KCNG4: variants seen among roughly 807,000 people sequenced by gnomAD.
KCNG4 encodes the protein potassium voltage-gated channel modifier subfamily G member 4.
KCNG4 carries 30 observed loss-of-function variants against 28.2 expected under a neutral mutation model. The observed-to-expected ratio is 1.06, with a 90% CI of 0.80 to 1.44. The LOEUF (loss-of-function observed/expected upper bound fraction) is 1.44. KCNG4 is among the 40% of genes most tolerant of loss of function. The pLI is 0.00. For missense variants in KCNG4, 879 were observed against 712.3 expected, an observed-to-expected ratio of 1.23 and a Z score of -2.66; for synonymous variants, 375 against 315.5, an observed-to-expected ratio of 1.19 and a Z score of -2.00.
chr16:84,232,877 G>T (rs244808), intron 2 of KCNG4, among the ~76,000 whole-genome samples: 82,610 of 143,674 alleles, frequency 0.57, 24,161 homozygotes, highest in African/African-American at 0.67. Context: ...CCAGCCTGGG[G>T]GACAGAGTGA....
chr16:84,237,134 T>TGG lies in KCNG4; in HGVS notation c.350_351dup (p.Ser118ProfsTer6), dbSNP rs1246096866. 6.2e-6 allele frequency: 10 copies of TGG among 1,614,112 alleles called. No individual in the cohort carries two copies. In the African/African-American group the frequency reaches 9.3e-5, roughly 15 times the overall value. The stretch of plus-strand genomic sequence containing the variant: ...AAGCTCACGATCACCCCGAAGGCGC[T>TGG]GGGGCTCCTGTCGAAGAAGAACTCC... On this transcript the variant is annotated frameshift_variant, in exon 2 of 3. Coordinates refer to ENST00000308251, the MANE Select transcript of KCNG4 (RefSeq NM_172347.3). LOFTEE classifies it high-confidence loss of function.
chr16:84,229,262 C>A (rs2151337873), intron 2 of KCNG4, among the ~76,000 whole-genome samples: 1 of 150,660 alleles, frequency 6.6e-6, no homozygotes, highest in South Asian at 2.1e-4. Flanking sequence ...CATTGCACTC[C>A]AGCCTGGGCA....
In KCNG4 at chr16:84,226,041, C is replaced by T. The variant is rs547035619; in HGVS notation, c.757-3021G>A. 6.6e-6 allele frequency among the ~76,000 whole-genome samples: 1 copy of T among 152,324 alleles called. No homozygotes were observed. The highest frequency in any genetic ancestry group is 1.5e-5 in the Non-Finnish European group (1 of 68,036). ...TTTCTCCCTTTGTGGAAGTTCTGTGCTTAAACCCAGAAAGTTCCGGGTCCT... is the reference window on the plus strand; with the variant it reads ...TTTCTCCCTTTGTGGAAGTTCTGTGTTTAAACCCAGAAAGTTCCGGGTCCT... On this transcript the variant is annotated intron_variant, in intron 2 of 2. Coordinates refer to ENST00000308251, the MANE Select transcript of KCNG4 (RefSeq NM_172347.3). The surrounding 1 kb of genome is among the most constrained non-coding windows in gnomAD (Gnocchi z 4.1).
intron 1 of KCNG4, among the ~76,000 whole-genome samples, chr16:84,238,517 C>T (rs1411158154): frequency 3.3e-5 from 5 of 152,334 alleles, no homozygotes; most frequent in Admixed American, 1.3e-4. Flanking sequence ...CCTCAGCCAT[C>T]CTTGCTGTGT....
rs867091269 is a variant in KCNG4 at position 84,237,277 on chromosome 16, T to C, written c.209A>G (p.Tyr70Cys). 6.2e-7 allele frequency: 1 copy of C among 1,610,340 alleles called. No individual in the cohort carries two copies. The highest frequency in any genetic ancestry group is 1.3e-5 in the African/African-American group (1 of 74,860). ...EILINVGGRR[Y>C]LLPWSTLDRF... Reference sequence around the variant, plus strand: ...GTCCAGTGTGCTCCAGGGGAGGAGATACCTCCTGCCCCCCACGTTGATCAG... The same window carrying C: ...GTCCAGTGTGCTCCAGGGGAGGAGACACCTCCTGCCCCCCACGTTGATCAG... Residue 70 changes from tyrosine to cysteine, a missense_variant, in exon 2 of 3, where the codon TAT becomes TGT. Transcript: ENST00000308251.
intron 2 of KCNG4, among the ~76,000 whole-genome samples, chr16:84,230,286 T>A (rs1378410587): frequency 6.6e-6 from 1 of 151,762 alleles, no homozygotes; most frequent in East Asian, 1.9e-4. Context: ...GCGCCTGTAG[T>A]TCCAGCTACT....
At chr16:84,236,601 C>T in intron 2 of KCNG4, 129 bp downstream of exon 2, 2 of 1,017,910 alleles carry the variant, frequency 2.0e-6, no homozygotes, top group Non-Finnish European at 2.8e-6. Flanking sequence ...GAATATAACC[C>T]ATGTTGGATA....
At chr16:84,232,349 T>C (rs1427351251) in intron 2 of KCNG4, among the ~76,000 whole-genome samples, 2 of 152,214 alleles carry the variant, frequency 1.3e-5, no homozygotes, top group African/African-American at 4.8e-5. Context: ...CTGGCACGAT[T>C]CTGTTTCTAT....
chr16:84,234,307 G>T (rs1904892282), intron 2 of KCNG4, among the ~76,000 whole-genome samples: 1 of 152,204 alleles, frequency 6.6e-6, no homozygotes, highest in South Asian at 2.1e-4. Flanking sequence ...CAAGTAGCTG[G>T]GATTACAGGC....
Position 84,236,796 on chromosome 16 carries a change from G to A in KCNG4, c.690C>T (p.Phe230=), listed in dbSNP as rs754285858. ...GKVFACLSIL[F]VATTAVSLCV... ...ACAGGCTGACGGCTGTGGTGGCCAC[G>A]AAGAGGATGGAGAGGCAAGCGAAGA... Residue 230 remains phenylalanine, a synonymous_variant, in exon 2 of 3, where the codon TTC becomes TTT. Transcript: ENST00000308251. 9.9e-6 allele frequency: 16 copies of A among 1,613,678 alleles called. No homozygotes were observed. Among genetic ancestry groups the A allele is most frequent in the South Asian group, 5.5e-5 (5 of 91,078 alleles).
Position 84,220,030 on chromosome 16 carries a change from T to A in KCNG4, c.*2187A>T, listed in dbSNP as rs1213090157. On this transcript the variant is annotated 3_prime_UTR_variant, in exon 3 of 3. Coordinates refer to ENST00000308251, the MANE Select transcript of KCNG4 (RefSeq NM_172347.3). ...GTGAGCTGGGATCAAGCCACTGCAC[T>A]CCAGCCTGGCGGACAGAGAGAGACT... is the stretch of plus-strand genomic sequence containing the variant. The A allele has an allele frequency of 6.6e-6, 1 of 152,090 alleles. No homozygotes were observed. Among genetic ancestry groups the A allele is most frequent in the Non-Finnish European group, 1.5e-5 (1 of 68,024 alleles). The allele number at this position is 152,090 out of a possible 1,614,324, so 9.4% of individuals were successfully genotyped here.
intron 2 of KCNG4, among the ~76,000 whole-genome samples, chr16:84,232,371 A>T (rs1904846948): frequency 6.6e-6 from 1 of 152,210 alleles, no homozygotes; most frequent in South Asian, 2.1e-4. Flanking sequence ...AAATGTCCAG[A>T]ATAGGCTAAT....
intron 2 of KCNG4, among the ~76,000 whole-genome samples, chr16:84,233,338 A>G (rs1904870244): frequency 6.6e-6 from 1 of 152,174 alleles, no homozygotes; most frequent in South Asian, 2.1e-4. Flanking sequence ...TGTTTTACAA[A>G]GTCTGGCTGC....
At chr16:84,225,411 C>T (rs1286509075) in intron 2 of KCNG4, among the ~76,000 whole-genome samples, 11 of 152,322 alleles carry the variant, frequency 7.2e-5, no homozygotes, top group Middle Eastern at 3.4e-3. Context: ...ACCCTGGCAC[C>T]AGAAGCCCCC....
chr16:84,228,621 C>G (rs1315732643), intron 2 of KCNG4, among the ~76,000 whole-genome samples: 2 of 152,106 alleles, frequency 1.3e-5, no homozygotes, highest in African/African-American at 4.8e-5. Flanking sequence ...CCCCCGCCCA[C>G]TCCTTCTAGC....
Position 84,226,326 on chromosome 16 carries a change from G to A in KCNG4, c.757-3306C>T, listed in dbSNP as rs533327660. ...CAGCCTCATCTAGGGTGCACAAAGTGATCAGAACAGTGGCTGCCTCTGGGT... is the reference window on the plus strand; with the variant it reads ...CAGCCTCATCTAGGGTGCACAAAGTAATCAGAACAGTGGCTGCCTCTGGGT... On this transcript the variant is annotated intron_variant, in intron 2 of 2. Transcript: ENST00000308251. The surrounding 1 kb of genome is among the most constrained non-coding windows in gnomAD (Gnocchi z 4.1). Among the ~76,000 whole-genome samples, 84 of 152,332 alleles carry A rather than the reference G, an allele frequency of 5.5e-4. No homozygotes were observed. The highest frequency in any genetic ancestry group is 7.2e-4 in the Non-Finnish European group (49 of 68,038).
In KCNG4 at chr16:84,236,902, G is replaced by C. The variant is rs754870292; in HGVS notation, c.584C>G (p.Ser195Trp). ...GCACAGGCCCCAGCGCGAGGAGTGC[G>C]AGGCGGGGCGGCGGGTCTCCCTCTG... The part of the protein sequence containing the change: ...RQQRETRRPA[S>W]HSSRWGLCMN... The change falls in exon 2 of 3, where the codon TCG becomes TGG. Residue 195 changes from serine to tryptophan, a missense_variant. By Grantham distance (177) the Ser-to-Trp change is radical (BLOSUM62 -3). Coordinates refer to ENST00000308251, the MANE Select transcript of KCNG4 (RefSeq NM_172347.3). 1.9e-6 allele frequency: 3 copies of C among 1,613,352 alleles called. No individual in the cohort carries two copies. In the South Asian group the frequency reaches 3.3e-5, roughly 18 times the overall value.
At chr16:84,230,296 T>G (rs1037943880) in intron 2 of KCNG4, among the ~76,000 whole-genome samples, 1 of 150,452 alleles carries the variant, frequency 6.6e-6, no homozygotes, top group Non-Finnish European at 1.5e-5. Flanking sequence ...TTCCAGCTAC[T>G]CGGGAGGCTG....
chr16:84,228,109 C>T (rs1307968439), intron 2 of KCNG4, among the ~76,000 whole-genome samples: 9 of 152,248 alleles, frequency 5.9e-5, no homozygotes, highest in African/African-American at 1.4e-4. Flanking sequence ...ACCTGTTTCA[C>T]GCAGCAGCAG....
Sources: allele counts gnomAD v4.1 joint callset (sites outside exome capture counted in the v4.1 genomes callset), GRCh38; gene constraint gnomAD v4.1.1; non-coding constraint Gnocchi (gnomAD v3.1); transcripts MANE v1.5; gene names NCBI Gene and HGNC (gene_info 2026-07-23, HGNC 2026-07-21).